RAB38: variants seen among roughly 807,000 people sequenced by gnomAD.
The protein encoded by RAB38 is ras-related protein Rab-38.
In RAB38, 15 loss-of-function variants were observed where a neutral mutation model predicts 18.4. The ratio of observed to expected loss-of-function variants is 0.82; its 90% CI spans 0.55 to 1.26. The LOEUF (loss-of-function observed/expected upper bound fraction) is 1.26, where lower values mean the gene tolerates loss of function less well. Ranked by LOEUF, RAB38 falls within the 50% of genes most tolerant of loss-of-function variation. The pLI, the probability that RAB38 is intolerant of heterozygous loss-of-function variation, is 0.00. For missense variants in RAB38, 294 were observed against 267.4 expected (o/e 1.10, Z -0.69); for synonymous variants, 101 against 104.4 (o/e 0.97, Z 0.20).
the RAB38 span, among the ~76,000 whole-genome samples, chr11:88,080,745 C>A: frequency 1.3e-5 from 2 of 151,348 alleles, no homozygotes; most frequent in African/African-American, 2.4e-5. Context: ...GCCCCTGATA[C>A]CCAAGTGTGG....
chr11:88,037,581 G>A, the RAB38 span, among the ~76,000 whole-genome samples: 7 of 151,948 alleles, frequency 4.6e-5, no homozygotes, highest in South Asian at 2.1e-4. Context: ...GTAATAAATC[G>A]CCACTACCAT....
chr11:88,116,227 G>T (rs1021735383), intron 2 of RAB38, among the ~76,000 whole-genome samples: 1 of 152,168 alleles, frequency 6.6e-6, no homozygotes, highest in African/African-American at 2.4e-5. Flanking sequence ...TGACTGAGTG[G>T]AAGCCTGTCC....
At chr11:88,169,655 A>G (rs1943285272) in intron 1 of RAB38, among the ~76,000 whole-genome samples, 1 of 152,214 alleles carries the variant, frequency 6.6e-6, no homozygotes, top group South Asian at 2.1e-4. Context: ...CAAGTTGTGC[A>G]GCCCTGACGC....
the RAB38 span, chr11:87,815,858 G>C: frequency 6.6e-6 from 1 of 152,364 alleles, no homozygotes; most frequent in Admixed American, 6.5e-5. Context: ...TATAAGCCTT[G>C]GCCAAATGTG....
At chr11:88,099,678 C>T in the RAB38 span, among the ~76,000 whole-genome samples, 18 of 151,910 alleles carry the variant, frequency 1.2e-4, no homozygotes, top group East Asian at 2.5e-3. Context: ...GTTAAGATGT[C>T]CTAGCTAAGC....
At chr11:88,081,807 C>T in the RAB38 span, among the ~76,000 whole-genome samples, 1 of 151,914 alleles carries the variant, frequency 6.6e-6, no homozygotes, top group Non-Finnish European at 1.5e-5. Flanking sequence ...TGGAACGCCA[C>T]ATTCAACCCT....
In RAB38 at chr11:88,175,212, A is replaced by C. The variant is rs1404242272; in HGVS notation, c.173T>G (p.Val58Gly). Residue 58 changes from valine (V) to glycine (G), a missense_variant, in exon 1 of 3, where the codon GTG (valine) becomes GGG (glycine). Physicochemically the swap from Val to Gly is moderately radical, Grantham distance 109. Coordinates refer to ENST00000243662, the MANE Select transcript of RAB38 (RefSeq NM_022337.3). ...LKVLHWDPET[V>G]VRLQLWDIAG... ...GATATCCCAGAGCTGCAGGCGCACC[A>C]CAGTCTCCGGGTCCCAGTGGAGCAC... is the stretch of plus-strand genomic sequence containing the variant. The C allele has an allele frequency of 6.2e-7, 1 of 1,613,008 alleles. No homozygotes were observed. Among genetic ancestry groups the C allele is most frequent in the African/African-American group, 1.3e-5 (1 of 74,858 alleles).
the RAB38 span, among the ~76,000 whole-genome samples, chr11:87,856,957 G>A: frequency 6.6e-6 from 1 of 151,992 alleles, no homozygotes; most frequent in South Asian, 2.1e-4. Context: ...TTGGTGTGCT[G>A]CACCCATTAA....
At chr11:88,078,987 C>T in the RAB38 span, among the ~76,000 whole-genome samples, 4 of 151,452 alleles carry the variant, frequency 2.6e-5, no homozygotes, top group Admixed American at 6.6e-5. Context: ...ATCACATGTA[C>T]CCTGAAAATA....
At chr11:87,860,616 TAGAA>T in the RAB38 span, among the ~76,000 whole-genome samples, 5 of 151,996 alleles carry the variant, frequency 3.3e-5, no homozygotes, top group East Asian at 1.9e-4. Context: ...CCTTTGTAAA[TAGAA>T]AGAATATGGA....
chr11:88,124,936 G>C (rs936819713), intron 2 of RAB38, among the ~76,000 whole-genome samples: 1 of 152,164 alleles, frequency 6.6e-6, no homozygotes. Flanking sequence ...AATTTGCTAC[G>C]CAATAAGTTA....
the RAB38 span, among the ~76,000 whole-genome samples, chr11:87,930,311 G>A: frequency 2.0e-5 from 3 of 152,134 alleles, no homozygotes; most frequent in South Asian, 4.1e-4. Flanking sequence ...TTCTCTGTTG[G>A]CCAGTGATGA....
At chr11:88,023,278 TAATAA>T in the RAB38 span, among the ~76,000 whole-genome samples, 1 of 151,674 alleles carries the variant, frequency 6.6e-6, no homozygotes, top group East Asian at 1.9e-4. Flanking sequence ...ATCTGAAAAG[TAATAA>T]AAAATGTTTT....
At chr11:87,920,300 CTGTTAT>C in the RAB38 span, among the ~76,000 whole-genome samples, 1 of 151,636 alleles carries the variant, frequency 6.6e-6, no homozygotes, top group Non-Finnish European at 1.5e-5. Flanking sequence ...TCTCTTAGGA[CTGTTAT>C]TTTTATGCAT....
the RAB38 span, among the ~76,000 whole-genome samples, chr11:87,932,621 T>A: frequency 6.6e-6 from 1 of 152,096 alleles, no homozygotes; most frequent in Non-Finnish European, 1.5e-5. Context: ...CAGCCTCCCA[T>A]GAAAAACCCA....
At chr11:87,956,998 G>A in the RAB38 span, among the ~76,000 whole-genome samples, 1 of 150,648 alleles carries the variant, frequency 6.6e-6, no homozygotes, top group Admixed American at 6.7e-5. Context: ...GGGGGTCCTT[G>A]AGTCCTCATT....
At chr11:88,150,057 G>T in intron 1 of RAB38, 102 bp from the exon 2 acceptor site, 1 of 1,238,034 alleles carries the variant, frequency 8.1e-7, no homozygotes, top group Non-Finnish European at 1.1e-6. Flanking sequence ...AATCAGTAAA[G>T]TGCTTCGTCT....
At chr11:87,888,424 AC>A in the RAB38 span, among the ~76,000 whole-genome samples, 1 of 151,998 alleles carries the variant, frequency 6.6e-6, no homozygotes, top group African/African-American at 2.4e-5. Flanking sequence ...AGTTAGACAA[AC>A]ATGGGTCTAA....
chr11:88,163,287 T>C (rs533497500), intron 1 of RAB38, among the ~76,000 whole-genome samples: 1 of 152,276 alleles, frequency 6.6e-6, no homozygotes, highest in African/African-American at 2.4e-5. Context: ...CAAGTACTCT[T>C]TGCATAATGA....
Sources: allele counts gnomAD v4.1 joint callset (sites outside exome capture counted in the v4.1 genomes callset), GRCh38; gene constraint gnomAD v4.1.1; transcripts MANE v1.5; gene names NCBI Gene and HGNC (gene_info 2026-07-23, HGNC 2026-07-21).